The following UNC79 variants were observed in gnomAD, a reference collection of about 807,000 sequenced individuals.
UNC79 encodes unc-79 subunit of NALCN channel complex, also known as protein unc-79 homolog.
Under a neutral mutation model 283.1 loss-of-function variants are expected in UNC79, and 37 were observed. The observed-to-expected ratio is 0.13, with a 90% CI of 0.10 to 0.17. The LOEUF is 0.17. Among genes scored for constraint, UNC79 ranks in the 10% least tolerant of loss-of-function variants. The probability of loss-of-function intolerance (pLI) is 1.00; values close to 1 mark genes in which losing one functional copy is unlikely to be tolerated. For missense variants in UNC79, 2,272 were observed against 3,211.1 expected, an observed-to-expected ratio of 0.71 and a Z score of 7.07; for synonymous variants, 1,107 against 1,200.2, an observed-to-expected ratio of 0.92 and a Z score of 1.61.
chr14:93,691,642 T>G lies in UNC79; in HGVS notation c.7273-107T>G, dbSNP rs562444335. On this transcript the variant is annotated intron_variant, in intron 45 of 48. Coordinates refer to ENST00000555664, the Ensembl canonical transcript of UNC79. ...ACTCTGAGATAACGTTATGCCTTTGTGCTTCCCCTGTGCTCCCTGGCAAGA... is the reference window on the plus strand; with the variant it reads ...ACTCTGAGATAACGTTATGCCTTTGGGCTTCCCCTGTGCTCCCTGGCAAGA... 7.9e-6 allele frequency: 9 copies of G among 1,138,090 alleles called. No individual in the cohort carries two copies. The South Asian group carries it at 1.1e-4, about 14-fold the overall frequency. The allele number at this position is 1,138,090 out of a possible 1,614,324, so 70.5% of individuals were successfully genotyped here.
rs543953329 is a variant in UNC79 at position 93,434,836 on chromosome 14, T to TATC, written c.22+3802_22+3804dup. On this transcript the variant is annotated intron_variant, in intron 1 of 48. Transcript: ENST00000555664. ...GGACTTAATAAATGTTAACAATTATTATCATCATCATCATCATCAAATATA... is the reference window on the plus strand; with the variant it reads ...GGACTTAATAAATGTTAACAATTATTATCATCATCATCATCATCATCAAATATA... Among the ~76,000 whole-genome samples, 775 of 152,308 alleles carry TATC rather than the reference T, an allele frequency of 5.1e-3. 5 individuals are homozygous for TATC. Among genetic ancestry groups the TATC allele is most frequent in the African/African-American group, 0.017 (699 of 41,550 alleles).
chr14:93,597,262 T>C, intron 23 of UNC79, 97 bp from the exon 24 acceptor site: 3 of 1,350,586 alleles, frequency 2.2e-6, no homozygotes, highest in Non-Finnish European at 3.1e-6. Flanking sequence ...ACTTTTTGTC[T>C]GTGAGTTCAG....
chr14:93,542,693 C>T (rs771981946), exon 14 of UNC79: 3 of 1,614,182 alleles, frequency 1.9e-6, no homozygotes, highest in Non-Finnish European at 2.5e-6. Context: ...TGGAATTTGC[C>T]AGGGTAAGTG....
chr14:93,356,304 A>G (rs997066231), intron 1 of UNC79, among the ~76,000 whole-genome samples: 1 of 152,182 alleles, frequency 6.6e-6, no homozygotes, highest in Admixed American at 6.5e-5. Context: ...ATTACAGTAC[A>G]GGCATGAGCC....
intron 14 of UNC79, among the ~76,000 whole-genome samples, chr14:93,558,303 T>G (rs1046650391): frequency 1.3e-5 from 2 of 152,220 alleles, no homozygotes; most frequent in Non-Finnish European, 2.9e-5. Context: ...ACGCCTGTAA[T>G]CCCAGCACTT....
intron 1 of UNC79, among the ~76,000 whole-genome samples, chr14:93,345,580 T>C (rs1427210188): frequency 6.6e-6 from 1 of 151,886 alleles, no homozygotes; most frequent in Non-Finnish European, 1.5e-5. Flanking sequence ...AATTCTAAAA[T>C]AAAAAATCAT....
At chr14:93,439,016 T>C (rs1371720345) in intron 1 of UNC79, among the ~76,000 whole-genome samples, 1 of 152,096 alleles carries the variant, frequency 6.6e-6, no homozygotes, top group Non-Finnish European at 1.5e-5. Flanking sequence ...TTTAAAATTT[T>C]GAATACATGA....
chr14:93,438,821 C>T (rs2140123141), intron 1 of UNC79, among the ~76,000 whole-genome samples: 1 of 152,176 alleles, frequency 6.6e-6, no homozygotes, highest in Middle Eastern at 3.4e-3. Flanking sequence ...GAAGAATTGA[C>T]ATCTTTCTGA....
chr14:93,499,849 A>G (rs1957675), intron 7 of UNC79, among the ~76,000 whole-genome samples: 130,203 of 151,948 alleles, frequency 0.86, 55,937 homozygotes, highest in East Asian at 0.93. Context: ...TGAAGGATAT[A>G]TACACACTAG....
chr14:93,357,534 A>G (rs547390465), intron 1 of UNC79, among the ~76,000 whole-genome samples: 1 of 151,612 alleles, frequency 6.6e-6, no homozygotes, highest in African/African-American at 2.4e-5. Context: ...TCTTTCTCCC[A>G]TACTGGATGC....
rs2075279875 is a variant in UNC79 at position 93,698,110 on chromosome 14, C to T, written c.7548+3698C>T. ...AGAATATACTTTATATAATTTGATT[C>T]ATTTTAAATTATTGAGACTTGCTTT... On this transcript the variant is annotated intron_variant, in intron 47 of 48. Coordinates refer to ENST00000555664, the Ensembl canonical transcript of UNC79. Among the ~76,000 whole-genome samples the T allele has an allele frequency of 2.0e-5, 3 of 152,218 alleles. No homozygotes were observed. In the South Asian group the frequency reaches 6.2e-4, roughly 32 times the overall value.
chr14:93,572,786 T>A, exon 16 of UNC79: 1 of 1,614,056 alleles, frequency 6.2e-7, no homozygotes, highest in Non-Finnish European at 8.5e-7. Flanking sequence ...ACCCCTCCTC[T>A]GTGCAGGAGC....
chr14:93,600,691 C>T (rs759877151), exon 25 of UNC79: 66 of 1,613,882 alleles, frequency 4.1e-5, no homozygotes, highest in Non-Finnish European at 5.2e-5. Flanking sequence ...GCTGGGAGTT[C>T]TTTGTCAATA....
intron 1 of UNC79, among the ~76,000 whole-genome samples, chr14:93,461,332 GT>G (rs1489389215): frequency 1.3e-5 from 2 of 152,168 alleles, no homozygotes; most frequent in Non-Finnish European, 2.9e-5. Context: ...TAAAACTTAC[GT>G]TTTATACAAT....
At chr14:93,670,229 G>T (rs538420088) in intron 40 of UNC79, among the ~76,000 whole-genome samples, 5 of 152,158 alleles carry the variant, frequency 3.3e-5, no homozygotes, top group Non-Finnish European at 4.4e-5. Context: ...AATGGATTCT[G>T]CAGAATAGAC....
chr14:93,387,389 C>T (rs1282267097), intron 1 of UNC79, among the ~76,000 whole-genome samples: 2 of 151,544 alleles, frequency 1.3e-5, no homozygotes, highest in Non-Finnish European at 2.9e-5. Context: ...TATAAACTTC[C>T]TTCTTAGTTC....
intron 1 of UNC79, among the ~76,000 whole-genome samples, chr14:93,363,800 G>A (rs1243400098): frequency 2.6e-5 from 4 of 151,792 alleles, no homozygotes; most frequent in Non-Finnish European, 4.4e-5. Context: ...CTCACTGCAA[G>A]CTCTGCCTCC....
chr14:93,384,004 A>G (rs1419561022), intron 1 of UNC79, among the ~76,000 whole-genome samples: 2 of 152,186 alleles, frequency 1.3e-5, no homozygotes, highest in Non-Finnish European at 1.5e-5. Context: ...GCCATGTGGA[A>G]CTGTAAGTCC....
At chr14:93,488,263 A>G (rs570817807) in intron 5 of UNC79, among the ~76,000 whole-genome samples, 1 of 152,344 alleles carries the variant, frequency 6.6e-6, no homozygotes, top group South Asian at 2.1e-4. Context: ...CATTATTATT[A>G]TAAAATTTGT....
Sources: allele counts gnomAD v4.1 joint callset (sites outside exome capture counted in the v4.1 genomes callset), GRCh38; gene constraint gnomAD v4.1.1; transcripts MANE v1.5; gene names NCBI Gene and HGNC (gene_info 2026-07-23, HGNC 2026-07-21).